SARNP: variants seen among roughly 807,000 people sequenced by gnomAD.
The protein encoded by SARNP is SAP domain-containing ribonucleoprotein.
Under a neutral mutation model 38.1 loss-of-function variants are expected in SARNP, and 5 were observed. The observed-to-expected ratio is 0.13, with a 90% CI of 0.07 to 0.28. The LOEUF (loss-of-function observed/expected upper bound fraction) is 0.28. SARNP is among the 10% of genes least tolerant of loss of function. The pLI, the probability that SARNP is intolerant of heterozygous loss-of-function variation, is 1.00. For synonymous variants in SARNP, 84 were observed against 80.6 expected, an observed-to-expected ratio of 1.04 and a Z score of -0.23; for missense variants, 180 against 243.9, an observed-to-expected ratio of 0.74 and a Z score of 1.75.
At chr12:55,763,308 CTT>C (rs34618547) in intron 9 of SARNP, among the ~76,000 whole-genome samples, 108 of 146,054 alleles carry the variant, frequency 7.4e-4, no homozygotes, top group Middle Eastern at 7.2e-3. Context: ...TCATTTACTA[CTT>C]TTTTTTTTTT....
chr12:55,771,888 C>T (rs1294808662), intron 9 of SARNP, among the ~76,000 whole-genome samples: 10 of 152,038 alleles, frequency 6.6e-5, no homozygotes, highest in Non-Finnish European at 1.5e-4. Flanking sequence ...AATGATGACA[C>T]GGCCTTGACT....
At chr12:55,817,315 T>C (rs771350120) in intron 1 of SARNP, among the ~76,000 whole-genome samples, 9 of 152,138 alleles carry the variant, frequency 5.9e-5, no homozygotes, top group Non-Finnish European at 1.2e-4. Context: ...AAACGGATCC[T>C]GGCTCCGACA....
chr12:55,795,337 C>G (rs970839685), intron 5 of SARNP, among the ~76,000 whole-genome samples: 1 of 152,058 alleles, frequency 6.6e-6, no homozygotes, highest in African/African-American at 2.4e-5. Flanking sequence ...TAGAAGATAT[C>G]AGGTTGTGTC....
Position 55,789,792 on chromosome 12 carries a change from A to G in SARNP, c.433-649T>C, listed in dbSNP as rs1396142437. 2.0e-5 allele frequency among the ~76,000 whole-genome samples: 3 copies of G among 151,920 alleles called. No individual in the cohort carries two copies. The East Asian group carries it at 5.8e-4, about 29-fold the overall frequency. On this transcript the variant is annotated intron_variant, in intron 8 of 10. Transcript: ENST00000336133. Reference sequence around the variant, plus strand: ...AACCCCGTCTCTACTAAAAATACAAAAATTAGCCGGGCATGGTGGCGGGCA... The same window carrying G: ...AACCCCGTCTCTACTAAAAATACAAGAATTAGCCGGGCATGGTGGCGGGCA...
At chr12:55,767,897 C>CA (rs1283914576) in intron 9 of SARNP, among the ~76,000 whole-genome samples, 2 of 128,090 alleles carry the variant, frequency 1.6e-5, no homozygotes, top group Non-Finnish European at 3.4e-5. Flanking sequence ...CACACAAATA[C>CA]AAATAAACAA....
At chr12:55,768,366 G>A (rs1431972895) in intron 9 of SARNP, among the ~76,000 whole-genome samples, 1 of 151,858 alleles carries the variant, frequency 6.6e-6, no homozygotes, top group Non-Finnish European at 1.5e-5. Flanking sequence ...CTGACCTCAG[G>A]TGATCCGCCT....
chr12:55,777,052 G>A (rs1050808205), intron 9 of SARNP, among the ~76,000 whole-genome samples: 1 of 152,174 alleles, frequency 6.6e-6, no homozygotes, highest in African/African-American at 2.4e-5. Flanking sequence ...GTTCTGACAC[G>A]TTAGACGAAG....
At chr12:55,812,738 C>T (rs1197344273) in intron 1 of SARNP, among the ~76,000 whole-genome samples, 2 of 152,238 alleles carry the variant, frequency 1.3e-5, no homozygotes, top group Admixed American at 1.3e-4. Context: ...TGAAATTCTA[C>T]TACATCCTAA....
chr12:55,797,478 T>C (rs543318260), intron 4 of SARNP, among the ~76,000 whole-genome samples: 1 of 152,330 alleles, frequency 6.6e-6, no homozygotes, highest in East Asian at 1.9e-4. Context: ...TCCCATTTCC[T>C]TGCCATCCTT....
intron 9 of SARNP, among the ~76,000 whole-genome samples, chr12:55,781,468 AGGTT>A (rs1879337592): frequency 6.7e-6 from 1 of 149,864 alleles, no homozygotes; most frequent in South Asian, 2.2e-4. Context: ...CGGAAGGCAG[AGGTT>A]GCAGTGAGCT....
chr12:55,782,165 C>T (rs1565675721), intron 9 of SARNP, among the ~76,000 whole-genome samples: 2 of 152,290 alleles, frequency 1.3e-5, no homozygotes, highest in South Asian at 4.1e-4. Flanking sequence ...AGTAGAAAAA[C>T]TCTGGTACTA....
chr12:55,762,842 C>T (rs775167306), intron 9 of SARNP, among the ~76,000 whole-genome samples: 13 of 152,176 alleles, frequency 8.5e-5, no homozygotes, highest in Non-Finnish European at 1.5e-4. Context: ...AGCTATCCAG[C>T]TTTCTGTGCT....
At chr12:55,801,446 T>C (rs1196712131) in intron 2 of SARNP, among the ~76,000 whole-genome samples, 1 of 151,958 alleles carries the variant, frequency 6.6e-6, no homozygotes, top group Non-Finnish European at 1.5e-5. Context: ...CAGTCTTGAA[T>C]AACAAACAAA....
intron 4 of SARNP, among the ~76,000 whole-genome samples, chr12:55,798,633 C>T (rs1008269666): frequency 3.3e-5 from 5 of 152,070 alleles, no homozygotes; most frequent in African/African-American, 9.7e-5. Context: ...TAGAAAAGGA[C>T]ATGCAGAACT....
At chr12:55,797,576 C>A (rs1879856499) in intron 4 of SARNP, among the ~76,000 whole-genome samples, 1 of 152,200 alleles carries the variant, frequency 6.6e-6, no homozygotes, top group Non-Finnish European at 1.5e-5. Context: ...GTAGTACTCT[C>A]CATCAACCCC....
In SARNP at chr12:55,771,254, G is replaced by A. The variant is rs141445925; in HGVS notation, c.502-10614C>T. On this transcript the variant is annotated intron_variant, in intron 9 of 10. Transcript: ENST00000336133. Reference sequence around the variant, plus strand: ...ATTGCAGGTGTGAGCCACTGTGCCCGGCCCACCTTCTTCAATCTTATTACC... The same window carrying A: ...ATTGCAGGTGTGAGCCACTGTGCCCAGCCCACCTTCTTCAATCTTATTACC... 1.4e-3 allele frequency among the ~76,000 whole-genome samples: 206 copies of A among 152,032 alleles called. 1 individual carries two copies. The highest frequency in any genetic ancestry group is 2.9e-3 in the South Asian group (14 of 4,812).
intron 9 of SARNP, among the ~76,000 whole-genome samples, chr12:55,784,704 A>C (rs1189014622): frequency 6.6e-6 from 1 of 152,216 alleles, no homozygotes; most frequent in Non-Finnish European, 1.5e-5. Flanking sequence ...GAGTTGTCCG[A>C]TATGGTAGCC....
chr12:55,794,463 C>G, intron 6 of SARNP, 76 bp from the exon 7 acceptor site: 1 of 1,222,570 alleles, frequency 8.2e-7, no homozygotes, highest in Non-Finnish European at 1.2e-6. Context: ...GTCAAGTATA[C>G]ATATGACACT....
In SARNP at chr12:55,794,919, T is replaced by C. The variant is rs769278748; in HGVS notation, c.304-39A>G. 6.6e-6 allele frequency: 7 copies of C among 1,053,506 alleles called. No individual in the cohort carries two copies. In the East Asian group the frequency reaches 1.3e-4, roughly 20 times the overall value. 65.3% of individuals were successfully genotyped at this position (1,053,506 alleles called of 1,614,324 possible). A position where few individuals can be genotyped will look rare whatever the true frequency, so the allele number is the denominator to read the frequency against. On this transcript the variant is annotated intron_variant, in intron 5 of 10. Transcript: ENST00000336133. ...GACAAAAGGGAGAAAAAAAAGTCAA[T>C]TTATGGTTTAAGAAAGTCAGTCAGA...
Sources: gnomAD v4.1 joint callset for allele counts (sites outside exome capture counted in the v4.1 genomes callset) on GRCh38, gnomAD v4.1.1 for gene constraint, MANE v1.5 for transcripts, NCBI Gene and HGNC (gene_info 2026-07-23, HGNC 2026-07-21) for gene names.